TRAIP: variants seen among roughly 807,000 people sequenced by gnomAD.
TRAIP encodes the protein E3 ubiquitin-protein ligase TRAIP.
A neutral mutation model predicts 65.0 loss-of-function variants in TRAIP; 37 were observed. The ratio of observed to expected loss-of-function variants is 0.57; its 90% CI spans 0.44 to 0.75. The LOEUF is 0.75. Among genes scored for constraint, TRAIP ranks in the 30% least tolerant of loss-of-function variants. The pLI, the probability that TRAIP is intolerant of heterozygous loss-of-function variation, is 0.00. For missense variants in TRAIP, 481 were observed against 579.4 expected, an observed-to-expected ratio of 0.83 and a Z score of 1.74; for synonymous variants, 187 against 219.1, an observed-to-expected ratio of 0.85 and a Z score of 1.29.
chr3:49,855,144 G>A (rs2081960432), intron 1 of TRAIP, among the ~76,000 whole-genome samples: 2 of 152,104 alleles, frequency 1.3e-5, no homozygotes, highest in South Asian at 4.1e-4. Flanking sequence ...GCTGTTTCAA[G>A]GGATACATGT....
chr3:49,833,759 A>T (rs577751186), intron 10 of TRAIP, among the ~76,000 whole-genome samples: 5 of 152,150 alleles, frequency 3.3e-5, no homozygotes, highest in Non-Finnish European at 7.4e-5. Flanking sequence ...TATTACAGGC[A>T]TGAGCCACCG....
chr3:49,832,714 G>A (rs964369672), intron 10 of TRAIP, among the ~76,000 whole-genome samples: 1 of 117,556 alleles, frequency 8.5e-6, no homozygotes, highest in Non-Finnish European at 1.9e-5. Context: ...GGGGGGGGGG[G>A]GGTGGGGGGT....
rs376562671 is a variant in TRAIP, at chr3:49,842,448, C to T, written c.503+5G>A. 2 of 1,613,784 alleles carry T rather than the reference C, an allele frequency of 1.2e-6. No homozygotes were observed. The highest frequency in any genetic ancestry group is 2.7e-5 in the African/African-American group (2 of 74,912). On this transcript the variant is annotated splice_donor_5th_base_variant and intron_variant, in intron 6 of 14. Transcript: ENST00000331456. ...GCACAGTGCAGGACCCAGCTCCAAA[C>T]TCACTGCTCCATGGTCTTCATCTTG...
At chr3:49,841,991 G>A in intron 6 of TRAIP, 52 bp from the exon 7 acceptor site, 1 of 1,423,840 alleles carries the variant, frequency 7.0e-7, no homozygotes, top group Non-Finnish European at 9.9e-7. Context: ...CTGATGGGTA[G>A]GTACCCAGTG....
At chr3:49,846,168 C>G (rs2081880286) in intron 3 of TRAIP, among the ~76,000 whole-genome samples, 1 of 152,194 alleles carries the variant, frequency 6.6e-6, no homozygotes, top group South Asian at 2.1e-4. Context: ...TCCAAGAGCT[C>G]TGGTCTGGGG....
rs546901221 is a variant in TRAIP at position 49,856,533 on chromosome 3, C to A, written c.-80G>T. 5 of 1,356,532 alleles carry A rather than the reference C, an allele frequency of 3.7e-6. No individual in the cohort carries two copies. Among genetic ancestry groups the A allele is most frequent in the Admixed American group, 2.1e-5 (1 of 48,654 alleles). 84.0% of individuals were successfully genotyped at this position (1,356,532 alleles called of 1,614,324 possible). On this transcript the variant is annotated 5_prime_UTR_variant, in exon 1 of 15. Transcript: ENST00000331456. ...TCGTAGACGCGCCCCCGCGCCTCCG[C>A]TTGCTTCAAATTTGGCTCCGCAGCA...
chr3:49,844,455 C>G, intron 4 of TRAIP, 86 bp downstream of exon 4: 1 of 1,482,996 alleles, frequency 6.7e-7, no homozygotes, highest in Non-Finnish European at 9.3e-7. Context: ...CTCTCCCAAA[C>G]GGTTTGAAAC....
intron 1 of TRAIP, among the ~76,000 whole-genome samples, 188 bp from the exon 2 acceptor site, chr3:49,848,388 A>G (rs2081903404): frequency 6.6e-6 from 1 of 152,200 alleles, no homozygotes; most frequent in East Asian, 1.9e-4. Flanking sequence ...TCAGGACTCC[A>G]ACCAGCTGGC....
chr3:49,844,039 G>T, intron 4 of TRAIP, 111 bp from the exon 5 acceptor site: 2 of 1,436,638 alleles, frequency 1.4e-6, no homozygotes, highest in Non-Finnish European at 1.9e-6. Flanking sequence ...GAGAAACAAG[G>T]CTCAGGCCTG....
At chr3:49,836,774 C>T (rs2081791271) in intron 10 of TRAIP, among the ~76,000 whole-genome samples, 2 of 151,962 alleles carry the variant, frequency 1.3e-5, no homozygotes, top group African/African-American at 2.4e-5. Flanking sequence ...GCTATGAGAA[C>T]AGTGAAAATT....
chr3:49,840,559 G>A (rs1355887320), intron 8 of TRAIP, 186 bp from the exon 9 acceptor site: 5 of 590,204 alleles, frequency 8.5e-6, no homozygotes, highest in Non-Finnish European at 9.1e-6. Context: ...AGAAGCAAAG[G>A]CTGCTTCCTA....
At chr3:49,848,035 G>A (rs1234581968) in intron 2 of TRAIP, 108 bp downstream of exon 2, 25 of 1,281,820 alleles carry the variant, frequency 2.0e-5, no homozygotes, top group Admixed American at 3.9e-5. Context: ...TAAACCAGGA[G>A]GGTCCAAAAA....
intron 5 of TRAIP, among the ~76,000 whole-genome samples, 184 bp from the exon 6 acceptor site, chr3:49,842,731 TA>T (rs1436364268): frequency 6.6e-6 from 1 of 152,138 alleles, no homozygotes; most frequent in Non-Finnish European, 1.5e-5. Flanking sequence ...CTTCTTCTTC[TA>T]AAAGGCTCTA....
At chr3:49,830,138 C>T (rs2081719794) in intron 11 of TRAIP, 70 bp from the exon 12 acceptor site, 2 of 1,549,910 alleles carry the variant, frequency 1.3e-6, no homozygotes, top group Admixed American at 1.7e-5. Flanking sequence ...AGGCTCAGCA[C>T]ACGCCCCTTG....
At position 49,856,112 on chromosome 3, in the gene TRAIP, G is replaced by T. The variant is rs558997794; in HGVS notation, c.98+244C>A. On this transcript the variant is annotated intron_variant, in intron 1 of 14. Transcript: ENST00000331456. ...ACATCTGTTTGTATAGGTGATCAAG[G>T]AAGCATCTATCTTCACTGAGCCATC... 1.4e-4 allele frequency among the ~76,000 whole-genome samples: 22 copies of T among 152,320 alleles called. No homozygotes were observed. The East Asian group carries it at 4.2e-3, about 29-fold the overall frequency.
chr3:49,837,934 G>A (rs1033255203), intron 10 of TRAIP, among the ~76,000 whole-genome samples: 1 of 151,936 alleles, frequency 6.6e-6, no homozygotes, highest in African/African-American at 2.4e-5. Context: ...CCAGGCTGGA[G>A]TGCAGTGGCA....
At chr3:49,852,996 C>A (rs1403750876) in intron 1 of TRAIP, among the ~76,000 whole-genome samples, 2 of 151,224 alleles carry the variant, frequency 1.3e-5, no homozygotes, top group African/African-American at 4.9e-5. Flanking sequence ...ATGACACGTG[C>A]CTTTAGTCCC....
At chr3:49,833,508 C>A (rs1198740987) in intron 10 of TRAIP, among the ~76,000 whole-genome samples, 1 of 148,134 alleles carries the variant, frequency 6.8e-6, no homozygotes, top group African/African-American at 2.5e-5. Context: ...GAGACGGAAT[C>A]TTGCTCTGTC....
At chr3:49,850,040 G>C (rs1387060665) in intron 1 of TRAIP, among the ~76,000 whole-genome samples, 1 of 151,426 alleles carries the variant, frequency 6.6e-6, no homozygotes. Flanking sequence ...CAAATACCAT[G>C]TACAACATAT....
Sources: allele counts gnomAD v4.1 joint callset (sites outside exome capture counted in the v4.1 genomes callset), GRCh38; gene constraint gnomAD v4.1.1; transcripts MANE v1.5; gene names NCBI Gene and HGNC (gene_info 2026-07-23, HGNC 2026-07-21).